CEMIP: variants seen among roughly 807,000 people sequenced by gnomAD.
The protein encoded by CEMIP is cell migration-inducing and hyaluronan-binding protein.
A neutral mutation model predicts 156.9 loss-of-function variants in CEMIP; 105 were observed. The ratio of observed to expected loss-of-function variants is 0.67; its 90% confidence interval spans 0.57 to 0.79. CEMIP has a LOEUF of 0.79. Among genes scored for constraint, CEMIP ranks in the 30% least tolerant of loss-of-function variants. The probability of loss-of-function intolerance (pLI) is 0.00; values close to 1 mark genes in which losing one functional copy is unlikely to be tolerated. For missense variants in CEMIP, 1,457 were observed against 1,769.4 expected, an observed-to-expected ratio of 0.82 and a Z score of 3.17; for synonymous variants, 676 against 668.4, an observed-to-expected ratio of 1.01 and a Z score of -0.17.
rs1255157118 is a variant in CEMIP at position 80,941,829 on chromosome 15, G to A, written c.3408-20G>A. 2 of 1,610,350 alleles carry A rather than the reference G, an allele frequency of 1.2e-6. No homozygotes were observed. The highest frequency in any genetic ancestry group is 2.2e-5 in the East Asian group (1 of 44,866). On this transcript the variant is annotated intron_variant, in intron 25 of 29. Coordinates refer to ENST00000394685, the MANE Select transcript of CEMIP (RefSeq NM_001293298.2). Reference sequence around the variant, plus strand: ...GTTTGAGTGTCCAAGCAAATGCCCAGCAATGCTCCTTGTGTGCAGGCTGTT... The same window carrying A: ...GTTTGAGTGTCCAAGCAAATGCCCAACAATGCTCCTTGTGTGCAGGCTGTT...
intron 3 of CEMIP, among the ~76,000 whole-genome samples, chr15:80,875,160 A>G (rs986176714): frequency 6.7e-6 from 1 of 149,134 alleles, no homozygotes; most frequent in African/African-American, 2.5e-5. Context: ...CAGCCTCCCT[A>G]GTAGCTGGGA....
At chr15:80,881,282 C>A in intron 6 of CEMIP, 146 bp downstream of exon 6, 1 of 779,952 alleles carries the variant, frequency 1.3e-6, no homozygotes, top group Non-Finnish European at 2.3e-6. Flanking sequence ...GAGTTCTGTC[C>A]TTCCCCAGGC....
chr15:80,889,392 A>G (rs1047277920), intron 9 of CEMIP, 79 bp from the exon 10 acceptor site: 1 of 1,599,330 alleles, frequency 6.3e-7, no homozygotes, highest in Non-Finnish European at 8.6e-7. Context: ...GGTGCTGAGG[A>G]TGCTTGGAGA....
chr15:80,948,705 GTGGGGGGCTGGCGA>G (rs1324061500), intron 29 of CEMIP, 78 bp from the exon 30 acceptor site: 7 of 1,558,920 alleles, frequency 4.5e-6, no homozygotes, highest in Non-Finnish European at 6.2e-6. Flanking sequence ...CCTGGTGGGC[GTGGGGGGCTGGCGA>G]TGGGGAGCCA....
At chr15:80,892,634 A>G (rs2141852559) in intron 10 of CEMIP, among the ~76,000 whole-genome samples, 1 of 152,312 alleles carries the variant, frequency 6.6e-6, no homozygotes, top group African/African-American at 2.4e-5. Flanking sequence ...TTGGCATATC[A>G]GCAAGTGAGG....
At chr15:80,886,252 A>G (rs1438766378) in intron 7 of CEMIP, among the ~76,000 whole-genome samples, 1 of 151,996 alleles carries the variant, frequency 6.6e-6, no homozygotes, top group Admixed American at 6.5e-5. Flanking sequence ...TCTCCCAAAG[A>G]AGGTGGGGAT....
In CEMIP at chr15:80,920,162, C is replaced by T; in HGVS notation, c.1866C>T (p.Arg622=). 1 of 1,614,182 alleles carries T rather than the reference C, an allele frequency of 6.2e-7. No individual in the cohort carries two copies. Residue 622 remains arginine (R), a synonymous_variant, in exon 15 of 30, where the codon CGC becomes CGT. Transcript: ENST00000394685. The part of the protein sequence containing the change: ...CFFTEDGPEE[R]NTFDHCLGLL... Reference sequence around the variant, plus strand: ...TCACGGAAGATGGGCCGGAGGAACGCAACACTTTTGACCACTGTCTTGGCC... The same window carrying T: ...TCACGGAAGATGGGCCGGAGGAACGTAACACTTTTGACCACTGTCTTGGCC...
Position 80,843,611 on chromosome 15 carries a change from G to A in CEMIP, c.-175-29927G>A, listed in dbSNP as rs80158748. ...CATTTTGCTTTGTGCCAGGCCAGGT[G>A]GCAGAAGGAAGGGCAGATGCTTGAG... is the stretch of plus-strand genomic sequence containing the variant. On this transcript the variant is annotated intron_variant, in intron 1 of 29. Transcript: ENST00000394685. 2.0e-5 allele frequency among the ~76,000 whole-genome samples: 3 copies of A among 152,348 alleles called. No individual in the cohort carries two copies. The East Asian group carries it at 5.8e-4, about 29-fold the overall frequency.
intron 1 of CEMIP, among the ~76,000 whole-genome samples, chr15:80,830,034 A>ACTG (rs1897126987): frequency 6.8e-6 from 1 of 147,072 alleles, no homozygotes; most frequent in Non-Finnish European, 1.5e-5. Flanking sequence ...CAACCAGGCC[A>ACTG]CTGCTCCAGA....
Position 80,906,935 on chromosome 15 carries a change from G to A in CEMIP, c.1587+97G>A. On this transcript the variant is annotated intron_variant, in intron 13 of 29. Transcript: ENST00000394685. The surrounding 1 kb of genome is among the most constrained non-coding windows in gnomAD (Gnocchi z 4.3). ...CTTCTTGGTAGGGATGAGGGTGGGG[G>A]AACAGGAGGTGGGATCAAGGGGAGG... The A allele has an allele frequency of 7.3e-7, 1 of 1,364,388 alleles. No homozygotes were observed. The highest frequency in any genetic ancestry group is 1.0e-6 in the Non-Finnish European group (1 of 979,446). The allele number at this position is 1,364,388 out of a possible 1,614,324, so 84.5% of individuals were successfully genotyped here.
chr15:80,948,967 G>A lies in CEMIP; in HGVS notation c.*43G>A, dbSNP rs772282245. The A allele has an allele frequency of 1.2e-6, 2 of 1,613,208 alleles. No homozygotes were observed. Among genetic ancestry groups the A allele is most frequent in the Admixed American group, 1.7e-5 (1 of 60,018 alleles). ...TGCCACCTCGTGGTAGACTATGACG[G>A]TGACTCTTGGCAGCAGACCAGTGGG... On this transcript the variant is annotated 3_prime_UTR_variant, in exon 30 of 30. Coordinates refer to ENST00000394685, the MANE Select transcript of CEMIP (RefSeq NM_001293298.2).
chr15:80,889,632 T>C (rs1272613183), intron 10 of CEMIP, 40 bp downstream of exon 10: 2 of 1,611,316 alleles, frequency 1.2e-6, no homozygotes, highest in South Asian at 2.2e-5. Flanking sequence ...AGAAATGTGT[T>C]GTTTTGAAGA....
rs962423957 is a variant in CEMIP at position 80,906,144 on chromosome 15, G to A, written c.1412-519G>A. ...GGTTCTGTTTTATCTTCCTAAGATC[G>A]GCAATCTACGGTATCATCCAGAGAC... On this transcript the variant is annotated intron_variant, in intron 12 of 29. Transcript: ENST00000394685. This position sits in a 1 kb window ranked among gnomAD's most constrained non-coding sequence, Gnocchi z 4.3. Among the ~76,000 whole-genome samples, 2 of 152,220 alleles carry A rather than the reference G, an allele frequency of 1.3e-5. No individual in the cohort carries two copies. Among genetic ancestry groups the A allele is most frequent in the African/African-American group, 4.8e-5 (2 of 41,456 alleles).
At chr15:80,901,924 A>G (rs1199745783) in intron 12 of CEMIP, among the ~76,000 whole-genome samples, 1 of 152,124 alleles carries the variant, frequency 6.6e-6, no homozygotes, top group Non-Finnish European at 1.5e-5. Flanking sequence ...CCTTGTTCCC[A>G]AAGTCTCCAC....
At chr15:80,843,919 A>G (rs1205720607) in intron 1 of CEMIP, among the ~76,000 whole-genome samples, 3 of 152,222 alleles carry the variant, frequency 2.0e-5, no homozygotes, top group Non-Finnish European at 4.4e-5. Context: ...TTTACAGAAG[A>G]AGAAACTGAG....
At chr15:80,790,230 T>C (rs1163125333) in intron 1 of CEMIP, among the ~76,000 whole-genome samples, 1 of 152,212 alleles carries the variant, frequency 6.6e-6, no homozygotes, top group East Asian at 1.9e-4. Flanking sequence ...TCAAATATTT[T>C]TTAAATATTC....
chr15:80,899,405 A>G (rs1035796953), intron 12 of CEMIP, among the ~76,000 whole-genome samples: 5 of 152,166 alleles, frequency 3.3e-5, no homozygotes, highest in Non-Finnish European at 5.9e-5. Flanking sequence ...ATATAGAATG[A>G]TGACAACTGC....
intron 1 of CEMIP, among the ~76,000 whole-genome samples, chr15:80,861,069 C>T (rs1897973244): frequency 6.6e-6 from 1 of 152,128 alleles, no homozygotes; most frequent in Admixed American, 6.5e-5. Flanking sequence ...CTCCTGTAAC[C>T]CCTGTCTCCG....
At position 80,811,329 on chromosome 15, in the gene CEMIP, G is replaced by A. The variant is rs137991867; in HGVS notation, c.-176+31715G>A. The stretch of plus-strand genomic sequence containing the variant: ...CCATCATGGAGCCTGGAGATTGCAA[G>A]TGTTCTCAATCTCTATGAGGGTGAC... On this transcript the variant is annotated intron_variant, in intron 1 of 29. Transcript: ENST00000394685. 3.3e-3 allele frequency among the ~76,000 whole-genome samples: 499 copies of A among 152,322 alleles called. 3 individuals are homozygous for A. Among genetic ancestry groups the A allele is most frequent in the African/African-American group, 0.011 (477 of 41,564 alleles).
Sources: gnomAD v4.1 joint callset for allele counts (sites outside exome capture counted in the v4.1 genomes callset) on GRCh38, gnomAD v4.1.1 for gene constraint, Gnocchi (gnomAD v3.1) non-coding constraint, MANE v1.5 for transcripts, NCBI Gene and HGNC (gene_info 2026-07-23, HGNC 2026-07-21) for gene names.